RNF169: variants seen among roughly 807,000 people sequenced by gnomAD.
RNF169 encodes the protein E3 ubiquitin-protein ligase RNF169.
RNF169 carries 24 observed loss-of-function variants against 53.9 expected under a neutral mutation model. That is an observed-to-expected ratio of 0.45 (90% CI 0.32 to 0.63). The LOEUF (loss-of-function observed/expected upper bound fraction) is 0.63. RNF169 is among the 20% of genes least tolerant of loss of function. The pLI, the probability that RNF169 is intolerant of heterozygous loss-of-function variation, is 0.04. For synonymous variants in RNF169, 396 were observed against 363.5 expected (o/e 1.09, Z -1.02); for missense variants, 883 against 906.2 (o/e 0.97, Z 0.33).
intron 1 of RNF169, among the ~76,000 whole-genome samples, chr11:74,771,941 C>G (rs541976729): frequency 2.2e-4 from 34 of 152,210 alleles, no homozygotes; most frequent in Non-Finnish European, 4.4e-4. Context: ...ACTTGGTTTC[C>G]ATCCTTAAGA....
intron 1 of RNF169, among the ~76,000 whole-genome samples, chr11:74,750,033 G>C (rs77219840): frequency 6.6e-6 from 1 of 152,304 alleles, no homozygotes; most frequent in African/African-American, 2.4e-5. Flanking sequence ...AGCTGGCTTG[G>C]GTTTAAAAGT....
chr11:74,788,845 TAGTA>T (rs1473171797), intron 1 of RNF169, among the ~76,000 whole-genome samples: 6 of 152,208 alleles, frequency 3.9e-5, no homozygotes, highest in African/African-American at 7.2e-5. Context: ...TAAAAAAAGA[TAGTA>T]AGGAAGACTT....
At chr11:74,826,690 G>C (rs754969656) in intron 4 of RNF169, among the ~76,000 whole-genome samples, 1 of 152,208 alleles carries the variant, frequency 6.6e-6, no homozygotes, top group Admixed American at 6.5e-5. Context: ...TAAATACACC[G>C]ATTTCCATTG....
intron 5 of RNF169, 45 bp from the exon 6 acceptor site, chr11:74,835,501 A>G (rs771885804): frequency 1.4e-6 from 2 of 1,414,168 alleles, no homozygotes; most frequent in South Asian, 1.2e-5. Context: ...AGGAAAATGT[A>G]TATGTATGTG....
At chr11:74,825,035 AAAC>A (rs2036072454) in intron 4 of RNF169, among the ~76,000 whole-genome samples, 1 of 152,234 alleles carries the variant, frequency 6.6e-6, no homozygotes, top group Admixed American at 6.5e-5. Flanking sequence ...TGCAAACAGT[AAAC>A]AAGAGAGCTG....
chr11:74,785,941 C>CTTTTTT (rs796451609), intron 1 of RNF169, among the ~76,000 whole-genome samples: 5 of 130,212 alleles, frequency 3.8e-5, no homozygotes, highest in African/African-American at 5.7e-5. Context: ...GTTTTCTTTT[C>CTTTTTT]TTTTTTTTTT....
At chr11:74,821,657 CAAAAAA>C (rs1230736435) in intron 4 of RNF169, among the ~76,000 whole-genome samples, 1 of 26,074 alleles carries the variant, frequency 3.8e-5, no homozygotes, top group Non-Finnish European at 5.3e-5. Flanking sequence ...GACTCCGTCT[CAAAAAA>C]AAAAAAAAAA....
intron 4 of RNF169, among the ~76,000 whole-genome samples, chr11:74,833,960 A>G (rs2036215150): frequency 6.6e-6 from 1 of 152,228 alleles, no homozygotes; most frequent in Non-Finnish European, 1.5e-5. Context: ...ACCTAAACTT[A>G]AGAGTCAAAA....
chr11:74,836,020 AAGG>A lies in RNF169; in HGVS notation c.1420_1422del (p.Glu474del), dbSNP rs1377257612. The A allele has an allele frequency of 1.2e-6, 2 of 1,614,072 alleles. No individual in the cohort carries two copies. Among genetic ancestry groups the A allele is most frequent in the Non-Finnish European group, 1.7e-6 (2 of 1,180,050 alleles). ...AGGCTCTGAAGGTATCCATTCTAGC[AAGG>A]AGAAGCCACTTGTGGCTGTAAATAC... On this transcript the variant is annotated inframe_deletion, in exon 6 of 6. Transcript: ENST00000299563.
At chr11:74,797,583 C>G (rs1275675115) in intron 2 of RNF169, among the ~76,000 whole-genome samples, 1 of 152,176 alleles carries the variant, frequency 6.6e-6, no homozygotes, top group Non-Finnish European at 1.5e-5. Flanking sequence ...AAGTACTTAT[C>G]TAATTGAATT....
chr11:74,772,346 A>G (rs1332876996), intron 1 of RNF169, among the ~76,000 whole-genome samples: 27 of 152,178 alleles, frequency 1.8e-4, no homozygotes, highest in Non-Finnish European at 4.0e-4. Context: ...TCTGGTCTGT[A>G]AAAAGTAAAT....
At chr11:74,781,404 C>G (rs527812571) in intron 1 of RNF169, among the ~76,000 whole-genome samples, 1 of 152,208 alleles carries the variant, frequency 6.6e-6, no homozygotes, top group East Asian at 1.9e-4. Context: ...AACCCAGAGA[C>G]CAGAAGAGGA....
chr11:74,754,923 A>G (rs1254465431), intron 1 of RNF169, among the ~76,000 whole-genome samples: 2 of 152,244 alleles, frequency 1.3e-5, no homozygotes, highest in African/African-American at 4.8e-5. Context: ...ACTTAGGGTT[A>G]ACATTTCTGC....
At position 74,842,242 on chromosome 11, in the gene RNF169, A is replaced by AC. The variant is rs1281704295; in HGVS notation, c.*5514dup. On this transcript the variant is annotated 3_prime_UTR_variant, in exon 6 of 6. Coordinates refer to ENST00000299563, the MANE Select transcript of RNF169 (RefSeq NM_001098638.2). Reference sequence around the variant, plus strand: ...ATTTTGACAAAGACAGAGGACTTGGACCAGGGCATGCCCTGTTGGGGATGT... The same window carrying AC: ...ATTTTGACAAAGACAGAGGACTTGGACCCAGGGCATGCCCTGTTGGGGATGT... 1 of 152,246 alleles carries AC rather than the reference A, an allele frequency of 6.6e-6. No homozygotes were observed. The highest frequency in any genetic ancestry group is 2.4e-5 in the African/African-American group (1 of 41,462). The allele number at this position is 152,246 out of a possible 1,614,324, so 9.4% of individuals were successfully genotyped here.
chr11:74,822,965 AT>A (rs930774483), intron 4 of RNF169, among the ~76,000 whole-genome samples: 2 of 150,524 alleles, frequency 1.3e-5, no homozygotes, highest in Non-Finnish European at 3.0e-5. Context: ...TACCGCCTCC[AT>A]TTTTTTTTAG....
chr11:74,815,794 G>A (rs2035935223), intron 3 of RNF169, among the ~76,000 whole-genome samples: 1 of 152,154 alleles, frequency 6.6e-6, no homozygotes, highest in Admixed American at 6.5e-5. Flanking sequence ...CACAGTGACA[G>A]TGATAGCTGA....
chr11:74,814,637 C>T (rs2035919825), intron 3 of RNF169, among the ~76,000 whole-genome samples: 1 of 152,006 alleles, frequency 6.6e-6, no homozygotes, highest in African/African-American at 2.4e-5. Context: ...GTGATCCACC[C>T]ATCTCAGCCT....
At chr11:74,778,593 A>G (rs2035370482) in intron 1 of RNF169, among the ~76,000 whole-genome samples, 1 of 152,214 alleles carries the variant, frequency 6.6e-6, no homozygotes, top group Non-Finnish European at 1.5e-5. Context: ...TGGGGGCTTT[A>G]CATACAGGGA....
intron 1 of RNF169, among the ~76,000 whole-genome samples, chr11:74,788,943 A>G (rs2135080760): frequency 6.6e-6 from 1 of 152,260 alleles, no homozygotes; most frequent in East Asian, 1.9e-4. Context: ...TTTAATCATT[A>G]TGTATTTCCT....
Sources: allele counts gnomAD v4.1 joint callset (sites outside exome capture counted in the v4.1 genomes callset), GRCh38; gene constraint gnomAD v4.1.1; transcripts MANE v1.5; gene names NCBI Gene and HGNC (gene_info 2026-07-23, HGNC 2026-07-21).